The following SORL1 variants were observed in gnomAD, a reference collection of about 807,000 sequenced individuals.
SORL1 encodes the protein sortilin related receptor 1, also known as sortilin-related receptor.
Under a neutral mutation model 273.7 loss-of-function variants are expected in SORL1, and 127 were observed. The ratio of observed to expected loss-of-function variants is 0.46; its 90% confidence interval spans 0.40 to 0.54. The LOEUF (loss-of-function observed/expected upper bound fraction) is 0.54. SORL1 is among the 20% of genes least tolerant of loss of function. The pLI, the probability that SORL1 is intolerant of heterozygous loss-of-function variation, is 0.00. For synonymous variants in SORL1, 1,031 were observed against 1,067.4 expected, an observed-to-expected ratio of 0.97 and a Z score of 0.66; for missense variants, 2,494 against 2,846.1, an observed-to-expected ratio of 0.88 and a Z score of 2.81.
At chr11:121,617,112 G>A (rs1035106989) in intron 41 of SORL1, among the ~76,000 whole-genome samples, 1 of 152,186 alleles carries the variant, frequency 6.6e-6, no homozygotes, top group African/African-American at 2.4e-5. Context: ...TTCTTTTGAC[G>A]TCTTTTAGTG....
At chr11:121,513,128 G>A (rs2134844614) in intron 7 of SORL1, 24 bp downstream of exon 7, 2 of 1,502,656 alleles carry the variant, frequency 1.3e-6, no homozygotes, top group Non-Finnish European at 9.3e-7. Context: ...GCTTGAGGAT[G>A]GGAAGAAGTA....
chr11:121,622,877 C>G (rs752210747), intron 45 of SORL1, among the ~76,000 whole-genome samples: 5 of 152,228 alleles, frequency 3.3e-5, no homozygotes, highest in Non-Finnish European at 5.9e-5. Flanking sequence ...TTGAGTAAAG[C>G]TGGGTTGGCC....
At chr11:121,565,404 G>T (rs184828958) in intron 21 of SORL1, among the ~76,000 whole-genome samples, 1 of 152,274 alleles carries the variant, frequency 6.6e-6, no homozygotes, top group Admixed American at 6.5e-5. Flanking sequence ...ATTAACCAAT[G>T]ATGTGCCCAC....
At chr11:121,620,978 T>C (rs1310592453) in intron 43 of SORL1, 86 bp from the exon 44 acceptor site, 11 of 967,556 alleles carry the variant, frequency 1.1e-5, no homozygotes, top group African/African-American at 3.3e-5. Flanking sequence ...CAGCTATTAA[T>C]ATACTACATT....
intron 8 of SORL1, among the ~76,000 whole-genome samples, chr11:121,516,535 C>T (rs1180051098): frequency 6.6e-6 from 1 of 152,170 alleles, no homozygotes; most frequent in African/African-American, 2.4e-5. Context: ...GCCCAGCCTT[C>T]TACCTGGCCT....
chr11:121,520,914 T>C (rs1703652107), intron 9 of SORL1, 65 bp downstream of exon 9: 3 of 1,137,886 alleles, frequency 2.6e-6, no homozygotes, highest in Non-Finnish European at 1.2e-6. Context: ...CTGTGGTAGT[T>C]TCCTATGTCT....
intron 4 of SORL1, 54 bp from the exon 5 acceptor site, chr11:121,489,989 C>A: frequency 7.8e-7 from 1 of 1,278,592 alleles, no homozygotes; most frequent in Non-Finnish European, 1.1e-6. Flanking sequence ...GATGGTGATG[C>A]CATTCAGGTT....
intron 3 of SORL1, among the ~76,000 whole-genome samples, chr11:121,479,348 C>A (rs1861337427): frequency 6.6e-6 from 1 of 152,168 alleles, no homozygotes; most frequent in Middle Eastern, 3.2e-3. Flanking sequence ...CAGGCCAGAT[C>A]TTCTACGGAA....
At chr11:121,616,497 C>T (rs1263691068) in intron 41 of SORL1, among the ~76,000 whole-genome samples, 1 of 152,186 alleles carries the variant, frequency 6.6e-6, no homozygotes, top group African/African-American at 2.4e-5. Flanking sequence ...TCCAGAGACA[C>T]CCCATCCCTG....
intron 5 of SORL1, among the ~76,000 whole-genome samples, chr11:121,491,411 A>G (rs1177550493): frequency 6.6e-6 from 1 of 152,144 alleles, no homozygotes; most frequent in Non-Finnish European, 1.5e-5. Flanking sequence ...GTGCAGGCAA[A>G]TGTGTAGGAC....
chr11:121,528,892 A>G lies in SORL1; in HGVS notation c.1597-3572A>G, dbSNP rs149157140. ...TATTATTTATATGAAGGTGGTTGATAATGTTGTTCAGATCTTTTGTGTTCA... is the reference window on the plus strand; with the variant it reads ...TATTATTTATATGAAGGTGGTTGATGATGTTGTTCAGATCTTTTGTGTTCA... On this transcript the variant is annotated intron_variant, in intron 11 of 47. Transcript: ENST00000260197. 1.0e-3 allele frequency among the ~76,000 whole-genome samples: 156 copies of G among 152,276 alleles called. 1 individual carries two copies. Among genetic ancestry groups the G allele is most frequent in the African/African-American group, 3.5e-3 (145 of 41,540 alleles).
intron 25 of SORL1, 139 bp from the exon 26 acceptor site, chr11:121,583,319 C>A: frequency 9.9e-7 from 1 of 1,007,114 alleles, no homozygotes; most frequent in Non-Finnish European, 1.4e-6. Flanking sequence ...CAATTCTCAG[C>A]CAAGGAGAAA....
chr11:121,495,032 T>C (rs1262053765), intron 5 of SORL1, among the ~76,000 whole-genome samples: 1 of 152,132 alleles, frequency 6.6e-6, no homozygotes, highest in Non-Finnish European at 1.5e-5. Context: ...GCCCTAAGAA[T>C]CCAGATTGTA....
rs151311800 is a variant in SORL1 at position 121,564,701 on chromosome 11, G to C, written c.3050-2239G>C. On this transcript the variant is annotated intron_variant, in intron 21 of 47. Transcript: ENST00000260197. ...AAGCAATCTTCCCACTTCAGCCTCT[G>C]AAGTGGCTGGGATCACAGATGTGTA... Among the ~76,000 whole-genome samples the C allele has an allele frequency of 6.2e-3, 946 of 152,062 alleles. 8 individuals are homozygous for C. Among genetic ancestry groups the C allele is most frequent in the African/African-American group, 0.022 (892 of 41,466 alleles).
At chr11:121,455,710 C>T (rs954907249) in intron 1 of SORL1, among the ~76,000 whole-genome samples, 1 of 152,218 alleles carries the variant, frequency 6.6e-6, no homozygotes, top group African/African-American at 2.4e-5. Context: ...CAGGACTTTT[C>T]TGCCCATGTT....
intron 19 of SORL1, 48 bp downstream of exon 19, chr11:121,557,453 T>C (rs1838480885): frequency 7.6e-7 from 1 of 1,308,346 alleles, no homozygotes; most frequent in Non-Finnish European, 1.1e-6. Context: ...AATGCTACAC[T>C]AATAGATTCT....
chr11:121,543,324 C>T (rs1457505406), intron 12 of SORL1, among the ~76,000 whole-genome samples: 1 of 151,988 alleles, frequency 6.6e-6, no homozygotes, highest in East Asian at 1.9e-4. Context: ...TGTTTGAATT[C>T]TCCTAAATTC....
At chr11:121,547,654 G>A (rs542759884) in intron 14 of SORL1, among the ~76,000 whole-genome samples, 1 of 151,822 alleles carries the variant, frequency 6.6e-6, no homozygotes, top group Non-Finnish European at 1.5e-5. Flanking sequence ...ATGAGATCGT[G>A]GGGTGATGAC....
At chr11:121,578,085 T>A (rs112281549) in intron 25 of SORL1, among the ~76,000 whole-genome samples, 1 of 152,140 alleles carries the variant, frequency 6.6e-6, no homozygotes, top group African/African-American at 2.4e-5. Flanking sequence ...TTGTAATTTG[T>A]CCAAAAAACA....
Sources: gnomAD v4.1 joint callset for allele counts (sites outside exome capture counted in the v4.1 genomes callset) on GRCh38, gnomAD v4.1.1 for gene constraint, MANE v1.5 for transcripts, NCBI Gene and HGNC (gene_info 2026-07-23, HGNC 2026-07-21) for gene names.